Variants in LAS1L observed in about 807,000 individuals in gnomAD.
LAS1L encodes LAS1 like ribosome biogenesis factor.
A neutral mutation model predicts 57.3 loss-of-function variants in LAS1L; 5 were observed. That is an observed-to-expected ratio of 0.09 (90% confidence interval 0.05 to 0.18). The LOEUF (loss-of-function observed/expected upper bound fraction) is 0.18, where lower values mean the gene tolerates loss of function less well. Ranked by LOEUF, LAS1L falls within the 10% of genes least tolerant of loss-of-function variation. LAS1L has a pLI of 1.00. For synonymous variants in LAS1L, 245 were observed against 231.7 expected, an observed-to-expected ratio of 1.06 and a Z score of -0.52; for missense variants, 360 against 568.3, an observed-to-expected ratio of 0.63 and a Z score of 3.73.
chrX:65,527,832 CAAAAAAAATAA>C (rs1404164271), intron 7 of LAS1L, among the ~76,000 whole-genome samples: 2 of 108,334 alleles, frequency 1.8e-5, no homozygotes, highest in Admixed American at 2.0e-4. Flanking sequence ...GACACTTTCT[CAAAAAAAATAA>C]ATAAAAAATA....
intron 1 of LAS1L, among the ~76,000 whole-genome samples, chrX:65,533,990 C>A (rs1477872821): frequency 9.0e-6 from 1 of 111,694 alleles, no homozygotes; most frequent in African/African-American, 3.3e-5. Context: ...TGTGGACACA[C>A]CCCTTTCTTT....
chrX:65,518,409 C>T lies in LAS1L; in HGVS notation c.1505G>A (p.Arg502His), dbSNP rs202068829. The T allele has an allele frequency of 1.4e-5, 17 of 1,209,711 alleles. No homozygotes were observed. The highest frequency in any genetic ancestry group is 8.7e-5 in the Admixed American group (4 of 45,873). Residue 502 changes from arginine (R) to histidine (H), a missense_variant, in exon 12 of 14, where the codon CGC becomes CAC. Around this residue, in one of 7 missense-constraint regions of LAS1L, gnomAD observed 81 missense variants for 192.1 expected, o/e 0.42. Coordinates refer to ENST00000374811, the MANE Select transcript of LAS1L (RefSeq NM_031206.7). Reference sequence around the variant, plus strand: ...ACTCTGGGTATAAATGGAACAGATGCGCAGCAGCTTCTCCTGCTCCTCGTC... The same window carrying T: ...ACTCTGGGTATAAATGGAACAGATGTGCAGCAGCTTCTCCTGCTCCTCGTC... ...LPDEEQEKLL[R>H]ICSIYTQSGE...
Position 65,518,386 on chromosome X carries a change from T to C in LAS1L, c.1528A>G (p.Ser510Gly). Residue 510 changes from serine (S) to glycine (G), a missense_variant, in exon 12 of 14, where the codon AGT becomes GGT. By Grantham distance (56) the Ser-to-Gly change is moderately conservative. This residue lies in a region of LAS1L where 123 missense variants were observed against 168.3 expected (regional missense o/e 0.73). Coordinates refer to ENST00000374811, the MANE Select transcript of LAS1L (RefSeq NM_031206.7). ...LLRICSIYTQSGENSLVQEGS... is the reference protein window; with the variant it reads ...LLRICSIYTQGGENSLVQEGS... ...TCCTGCACCAGGCTGTTTTCTCCAC[T>C]CTGGGTATAAATGGAACAGATGCGC... 8.2e-7 allele frequency: 1 copy of C among 1,212,177 alleles called. No individual in the cohort carries two copies.
chrX:65,534,701 G>C lies in LAS1L; in HGVS notation c.15C>G (p.Ser5=). 8.6e-7 allele frequency: 1 copy of C among 1,167,947 alleles called. No homozygotes were observed. The highest frequency in any genetic ancestry group is 1.9e-5 in the South Asian group (1 of 52,684). Residue 5 remains serine (S), a synonymous_variant, in exon 1 of 14, where the codon TCC becomes TCG. Transcript: ENST00000374811. The stretch of plus-strand genomic sequence containing the variant: ...GGGAACCTAGACCTGGCCCGGCCCC[G>C]GATTCCCACGACATACTGAGCTCAA... MSWE[S]GAGPGLGSQG...
rs2069357108 is a variant in LAS1L at position 65,529,538 on chromosome X, C to T, written c.799+56G>A. 2.7e-6 allele frequency: 3 copies of T among 1,132,034 alleles called. No homozygotes were observed. In the African/African-American group the frequency reaches 5.4e-5, roughly 20 times the overall value. 93.3% of individuals were successfully genotyped at this position (1,132,034 alleles called of 1,213,427 possible). On this transcript the variant is annotated intron_variant, in intron 5 of 13. Coordinates refer to ENST00000374811, the MANE Select transcript of LAS1L (RefSeq NM_031206.7). ...AGCCAGGGAAATAAACAGCGTTAAC[C>T]CTAAGCCTGAGCCTTCTGGGCTCAT... is the stretch of plus-strand genomic sequence containing the variant.
intron 11 of LAS1L, chrX:65,520,959 G>A (rs900294536): frequency 4.0e-6 from 3 of 751,268 alleles, no homozygotes; most frequent in Admixed American, 9.0e-5. Context: ...TGCTTGAATT[G>A]TTCAAATGCC....
intron 13 of LAS1L, among the ~76,000 whole-genome samples, chrX:65,514,227 T>C (rs2068545027): frequency 9.0e-6 from 1 of 111,338 alleles, no homozygotes; most frequent in African/African-American, 3.3e-5. Context: ...AAGGGCTGCT[T>C]GGTTCCTGGC....
At chrX:65,520,500 T>C (rs979578603) in intron 11 of LAS1L, 17 of 753,254 alleles carry the variant, frequency 2.3e-5, no homozygotes, top group Non-Finnish European at 2.7e-5. Context: ...TAACAGATGC[T>C]TTCTGCAATA....
intron 7 of LAS1L, among the ~76,000 whole-genome samples, chrX:65,527,072 T>G: frequency 9.8e-6 from 1 of 101,672 alleles, no homozygotes; most frequent in Non-Finnish European, 2.0e-5. Context: ...ATTAGCCAGG[T>G]GTGGTGGTAC....
chrX:65,515,555 G>A (rs1180180004), intron 12 of LAS1L, among the ~76,000 whole-genome samples: 2 of 110,493 alleles, frequency 1.8e-5, no homozygotes, highest in Non-Finnish European at 3.8e-5. Context: ...CCAACTCAGG[G>A]TGGACTCCCT....
chrX:65,515,577 T>C (rs1037957974), intron 12 of LAS1L, among the ~76,000 whole-genome samples: 9 of 110,581 alleles, frequency 8.1e-5, no homozygotes, highest in African/African-American at 3.0e-4. Context: ...AGATAGTATG[T>C]TCCCCTGCCC....
At chrX:65,522,730 G>A (rs1027288184) in intron 11 of LAS1L, 1 of 112,164 alleles carries the variant, frequency 8.9e-6, no homozygotes, top group Non-Finnish European at 1.9e-5. Context: ...CTAGAAGGAC[G>A]AGAAGTGGTG....
chrX:65,514,259 C>G (rs2148259689), intron 13 of LAS1L, among the ~76,000 whole-genome samples: 1 of 110,895 alleles, frequency 9.0e-6, no homozygotes, highest in South Asian at 3.8e-4. Context: ...CCAAGGGCTC[C>G]CACGCCTGTG....
rs2069029454 is a variant in LAS1L, at chrX:65,524,594, TCTGGAC to T, written c.1057_1062del (p.Val353_Gln354del). 1.9e-6 allele frequency: 1 copy of T among 525,664 alleles called. No homozygotes were observed. Among genetic ancestry groups the T allele is most frequent in the African/African-American group, 2.3e-5 (1 of 43,290 alleles). 43.3% of individuals were successfully genotyped at this position (525,664 alleles called of 1,213,427 possible). ...GACTTTGGGTCAGTACCTTCCCCTC[TCTGGAC>T]CTCAGTCTGACCATCTGTAACATGA... On this transcript the variant is annotated inframe_deletion, in exon 9 of 14. Coordinates refer to ENST00000374811, the MANE Select transcript of LAS1L (RefSeq NM_031206.7).
At chrX:65,530,271 T>C (rs1296435279) in intron 4 of LAS1L, among the ~76,000 whole-genome samples, 1 of 112,066 alleles carries the variant, frequency 8.9e-6, no homozygotes, top group Admixed American at 9.4e-5. Flanking sequence ...ATGGGGTGGA[T>C]GTCCAAGGAA....
chrX:65,514,110 G>A (rs12012392), intron 13 of LAS1L, among the ~76,000 whole-genome samples: 15,732 of 111,688 alleles, frequency 0.14, 2,658 homozygotes, highest in African/African-American at 0.48. Flanking sequence ...GCCCGCAGGG[G>A]TTCCTCTCTA....
intron 2 of LAS1L, 64 bp downstream of exon 2, chrX:65,533,546 C>T (rs998621029): frequency 3.0e-5 from 34 of 1,150,240 alleles, no homozygotes; most frequent in African/African-American, 3.6e-5. Flanking sequence ...TTTTGCTTAT[C>T]ACATGCCTCC....
In LAS1L at chrX:65,512,731, T is replaced by C; in HGVS notation, c.*44A>G. On this transcript the variant is annotated 3_prime_UTR_variant, in exon 14 of 14. Transcript: ENST00000374811. Reference sequence around the variant, plus strand: ...ATCAGTTGTACTAGGGGGTGGGCTGTTGCCCTGGCACGGCTGGATGAACAC... The same window carrying C: ...ATCAGTTGTACTAGGGGGTGGGCTGCTGCCCTGGCACGGCTGGATGAACAC... The C allele has an allele frequency of 1.7e-6, 2 of 1,145,421 alleles. No individual in the cohort carries two copies. Among genetic ancestry groups the C allele is most frequent in the South Asian group, 4.1e-5 (2 of 48,917 alleles). The allele number at this position is 1,145,421 out of a possible 1,213,427, so 94.4% of individuals were successfully genotyped here. A position where few individuals can be genotyped will look rare whatever the true frequency, so the allele number is the denominator to read the frequency against.
intron 3 of LAS1L, among the ~76,000 whole-genome samples, chrX:65,532,000 A>G (rs1479860048): frequency 8.9e-6 from 1 of 111,913 alleles, no homozygotes; most frequent in African/African-American, 3.2e-5. Context: ...ACAAAGAAAT[A>G]CCTGTGAATG....
Sources: allele counts gnomAD v4.1 joint callset (sites outside exome capture counted in the v4.1 genomes callset), GRCh38; gene constraint gnomAD v4.1.1; regional missense constraint gnomAD v4.1.1; transcripts MANE v1.5; gene names NCBI Gene and HGNC (gene_info 2026-07-23, HGNC 2026-07-21).